The following BIRC6 variants were observed in gnomAD, a reference collection of about 807,000 sequenced individuals.
BIRC6 encodes dual E2 ubiquitin-conjugating enzyme/E3 ubiquitin-protein ligase BIRC6.
In BIRC6, 98 loss-of-function variants were observed where a neutral mutation model predicts 503.3. The ratio of observed to expected loss-of-function variants is 0.19; its 90% confidence interval spans 0.17 to 0.23. The LOEUF (loss-of-function observed/expected upper bound fraction) is 0.23. BIRC6 is among the 10% of genes least tolerant of loss of function. The pLI is 1.00. For synonymous variants in BIRC6, 2,240 were observed against 2,078.7 expected, an observed-to-expected ratio of 1.08 and a Z score of -2.11; for missense variants, 5,360 against 5,806.0, an observed-to-expected ratio of 0.92 and a Z score of 2.50.
rs763059924 is a variant in BIRC6, at chr2:32,467,932, A to C, written c.5601A>C (p.Thr1867=). ...KITVIGRYGS[T]NARAKIPLGF... ...CTGTTATTGGACGTTACGGGAGTAC[A>C]AATGCCAGAGCCAAAATCCCATTAG... is the stretch of plus-strand genomic sequence containing the variant. Residue 1867 remains threonine (T), a synonymous_variant, in exon 28 of 74, where the codon ACA becomes ACC. Coordinates refer to ENST00000421745, the MANE Select transcript of BIRC6 (RefSeq NM_016252.4). 7 of 1,613,454 alleles carry C rather than the reference A, an allele frequency of 4.3e-6. No individual in the cohort carries two copies. The Admixed American group carries it at 1.2e-4, about 27-fold the overall frequency.
chr2:32,448,538 G>A lies in BIRC6; in HGVS notation c.4485-257G>A, dbSNP rs557943772. Reference sequence around the variant, plus strand: ...TGGCGACGCGCGCCTGCAATGGCAGGCACTCGGCAGGCTGAGGCAGGAGAA... The same window carrying A: ...TGGCGACGCGCGCCTGCAATGGCAGACACTCGGCAGGCTGAGGCAGGAGAA... On this transcript the variant is annotated intron_variant, in intron 21 of 73. Transcript: ENST00000421745. Among the ~76,000 whole-genome samples the A allele has an allele frequency of 1.1e-4, 16 of 152,314 alleles. No individual in the cohort carries two copies. In the East Asian group the frequency reaches 2.9e-3, roughly 28 times the overall value.
At chr2:32,500,281 T>G (rs771750266) in intron 46 of BIRC6, among the ~76,000 whole-genome samples, 172 bp downstream of exon 46, 1 of 152,126 alleles carries the variant, frequency 6.6e-6, no homozygotes, top group Non-Finnish European at 1.5e-5. Context: ...AATTAATGAA[T>G]GAAAGTGAAA....
chr2:32,386,201 CT>C (rs1000872883), intron 3 of BIRC6, among the ~76,000 whole-genome samples: 1 of 152,080 alleles, frequency 6.6e-6, no homozygotes, highest in Admixed American at 6.6e-5. Context: ...TAAAAGTGGA[CT>C]TTTTGTATAG....
intron 59 of BIRC6, chr2:32,528,795 A>G (rs941158335): frequency 6.6e-6 from 1 of 152,162 alleles, no homozygotes; most frequent in African/African-American, 2.4e-5. Context: ...TATTACAGGC[A>G]CAAAATTATC....
intron 57 of BIRC6, chr2:32,522,447 A>G (rs1310855737): frequency 1.3e-5 from 2 of 152,186 alleles, no homozygotes; most frequent in Non-Finnish European, 2.9e-5. Flanking sequence ...ATCTAAGGCA[A>G]GACTTACTGT....
chr2:32,556,883 G>A (rs997263732), intron 65 of BIRC6, among the ~76,000 whole-genome samples: 1 of 152,068 alleles, frequency 6.6e-6, no homozygotes, highest in Non-Finnish European at 1.5e-5. Context: ...AGGTTGCAGT[G>A]AGTCAAGAAC....
intron 23 of BIRC6, among the ~76,000 whole-genome samples, chr2:32,460,885 T>A (rs1039257790): frequency 4.6e-5 from 7 of 151,918 alleles, no homozygotes; most frequent in African/African-American, 1.7e-4. Flanking sequence ...CAGTTTCCCC[T>A]TGACTGTTGG....
At chr2:32,361,154 C>T (rs540749324) in intron 1 of BIRC6, among the ~76,000 whole-genome samples, 8 of 152,068 alleles carry the variant, frequency 5.3e-5, no homozygotes, top group African/African-American at 1.9e-4. Flanking sequence ...AGGCTGGTCT[C>T]GAACTCCTGA....
At chr2:32,436,870 GTTTTTTTTGTTTTTTCTTTT>G (rs2044769086) in intron 15 of BIRC6, among the ~76,000 whole-genome samples, 2 of 138,678 alleles carry the variant, frequency 1.4e-5, no homozygotes. Context: ...GCCAAGAGAG[GTTTTTTTTGTTTTTTCTTTT>G]TTTTTTTTTT....
At chr2:32,492,943 C>T (rs1479546465) in intron 44 of BIRC6, among the ~76,000 whole-genome samples, 1 of 150,974 alleles carries the variant, frequency 6.6e-6, no homozygotes, top group Non-Finnish European at 1.5e-5. Flanking sequence ...AGTGTTAGAG[C>T]ACACTTCTAC....
chr2:32,429,979 A>G (rs2043918734), intron 11 of BIRC6, among the ~76,000 whole-genome samples: 1 of 152,180 alleles, frequency 6.6e-6, no homozygotes, highest in Admixed American at 6.5e-5. Context: ...AATGCTTTTT[A>G]GTAGAGGAAA....
intron 4 of BIRC6, among the ~76,000 whole-genome samples, chr2:32,390,821 G>A (rs752600369): frequency 3.3e-5 from 5 of 152,058 alleles, no homozygotes; most frequent in Non-Finnish European, 2.9e-5. Context: ...TGATTTCTGC[G>A]TAATCACTTA....
At chr2:32,608,518 T>C (rs772220916) in intron 72 of BIRC6, among the ~76,000 whole-genome samples, 1 of 151,958 alleles carries the variant, frequency 6.6e-6, no homozygotes, top group Non-Finnish European at 1.5e-5. Flanking sequence ...AAGTTCAAGC[T>C]ATTCTCCTGC....
In BIRC6 at chr2:32,430,931, G is replaced by A. The variant is rs144715668; in HGVS notation, c.3089G>A (p.Arg1030His). ...EILTSLVELTRFETLTPRFSA... is the reference protein window; with the variant it reads ...EILTSLVELTHFETLTPRFSA... ...TTGACATCCCTAGTGGAGCTAACCC[G>A]CTTTGAGACTTTGACTCCAAGGTTT... Residue 1030 changes from arginine to histidine, a missense_variant, in exon 12 of 74, where the codon CGC (arginine) becomes CAC (histidine). Physicochemically the swap from Arg to His is conservative, Grantham distance 29 (BLOSUM62 0). This residue lies in a region of BIRC6 where 700 missense variants were observed against 739.3 expected (regional missense o/e 0.95). Coordinates refer to ENST00000421745, the MANE Select transcript of BIRC6 (RefSeq NM_016252.4). 4.4e-6 allele frequency: 7 copies of A among 1,606,158 alleles called. No individual in the cohort carries two copies. Among genetic ancestry groups the A allele is most frequent in the African/African-American group, 2.7e-5 (2 of 73,944 alleles).
chr2:32,393,642 C>T lies in BIRC6; in HGVS notation c.951+1492C>T, dbSNP rs549413592. Among the ~76,000 whole-genome samples, 3 of 152,298 alleles carry T rather than the reference C, an allele frequency of 2.0e-5. No individual in the cohort carries two copies. In the South Asian group the frequency reaches 6.2e-4, roughly 32 times the overall value. On this transcript the variant is annotated intron_variant, in intron 5 of 73. Coordinates refer to ENST00000421745, the MANE Select transcript of BIRC6 (RefSeq NM_016252.4). Reference sequence around the variant, plus strand: ...CCAAACAATTCTCCCACCTTAGCCCCTCAAGTAGCTGGGATTACAGGCATG... The same window carrying T: ...CCAAACAATTCTCCCACCTTAGCCCTTCAAGTAGCTGGGATTACAGGCATG...
At chr2:32,367,191 G>T (rs982378187) in intron 1 of BIRC6, among the ~76,000 whole-genome samples, 6 of 151,644 alleles carry the variant, frequency 4.0e-5, no homozygotes, top group African/African-American at 1.5e-4. Flanking sequence ...GCCTGGGCAT[G>T]GTGGCTCATG....
chr2:32,465,255 T>C, intron 26 of BIRC6, 91 bp downstream of exon 26: 3 of 681,790 alleles, frequency 4.4e-6, no homozygotes, highest in Non-Finnish European at 7.1e-6. Context: ...TTCGATTTTT[T>C]TTTTTTTTTT....
chr2:32,365,199 A>G (rs2149156477), intron 1 of BIRC6, among the ~76,000 whole-genome samples: 1 of 152,342 alleles, frequency 6.6e-6, no homozygotes, highest in Middle Eastern at 3.4e-3. Flanking sequence ...GTGTGACCTT[A>G]TGCAAACTGC....
intron 26 of BIRC6, among the ~76,000 whole-genome samples, chr2:32,465,844 T>C (rs899514491): frequency 2.6e-5 from 4 of 152,242 alleles, no homozygotes; most frequent in African/African-American, 9.6e-5. Context: ...ATTTGCGTTC[T>C]TGCAATGTGG....
Sources: gnomAD v4.1 joint callset for allele counts (sites outside exome capture counted in the v4.1 genomes callset) on GRCh38, gnomAD v4.1.1 for gene constraint, gnomAD v4.1.1 regional missense constraint, MANE v1.5 for transcripts, NCBI Gene and HGNC (gene_info 2026-07-23, HGNC 2026-07-21) for gene names.